The following ZMYM4 variants were observed in gnomAD, a reference collection of about 807,000 sequenced individuals.
The protein encoded by ZMYM4 is zinc finger MYM-type containing 4.
Under a neutral mutation model 183.2 loss-of-function variants are expected in ZMYM4, and 31 were observed. The ratio of observed to expected loss-of-function variants is 0.17; its 90% CI spans 0.13 to 0.23. ZMYM4 has a LOEUF of 0.23. Among genes scored for constraint, ZMYM4 ranks in the 10% least tolerant of loss-of-function variants. The probability of loss-of-function intolerance (pLI) is 1.00; values close to 1 mark genes in which losing one functional copy is unlikely to be tolerated. For synonymous variants in ZMYM4, 592 were observed against 631.2 expected (o/e 0.94, Z 0.93); for missense variants, 1,273 against 1,840.3 (o/e 0.69, Z 5.64).
At chr1:35,386,398 G>A (rs544214262) in intron 11 of ZMYM4, among the ~76,000 whole-genome samples, 3 of 152,266 alleles carry the variant, frequency 2.0e-5, no homozygotes, top group South Asian at 2.1e-4. Context: ...AGGGGAAGCC[G>A]GCACGTCTTA....
intron 1 of ZMYM4, among the ~76,000 whole-genome samples, chr1:35,302,801 G>T (rs899896561): frequency 6.6e-6 from 1 of 151,976 alleles, no homozygotes; most frequent in Non-Finnish European, 1.5e-5. Flanking sequence ...GATTACAGGT[G>T]TGAGCTACTG....
chr1:35,275,865 T>C (rs970997148), intron 1 of ZMYM4, among the ~76,000 whole-genome samples: 27 of 152,334 alleles, frequency 1.8e-4, no homozygotes, highest in African/African-American at 6.5e-4. Flanking sequence ...GTATAATCTC[T>C]GGAATTTAGC....
chr1:35,271,311 A>G (rs892714975), intron 1 of ZMYM4, among the ~76,000 whole-genome samples: 2 of 152,006 alleles, frequency 1.3e-5, no homozygotes, highest in African/African-American at 4.8e-5. Context: ...CTTGTCGTAC[A>G]CTTAAAAGAT....
intron 7 of ZMYM4, among the ~76,000 whole-genome samples, chr1:35,373,018 G>A (rs1644248303): frequency 6.6e-6 from 1 of 151,966 alleles, no homozygotes; most frequent in Admixed American, 6.6e-5. Context: ...AATTAGCTGG[G>A]CCTGGTGGCA....
At chr1:35,356,509 TC>T (rs1643824453) in intron 2 of ZMYM4, among the ~76,000 whole-genome samples, 1 of 152,210 alleles carries the variant, frequency 6.6e-6, no homozygotes, top group Non-Finnish European at 1.5e-5. Context: ...AGACAATTTT[TC>T]CAATTATATT....
At chr1:35,315,618 T>C (rs1192257127) in intron 1 of ZMYM4, among the ~76,000 whole-genome samples, 1 of 152,166 alleles carries the variant, frequency 6.6e-6, no homozygotes, top group Non-Finnish European at 1.5e-5. Context: ...AGAAGATGTA[T>C]TTGCTTCTTT....
chr1:35,407,760 G>T (rs1645030258), intron 25 of ZMYM4, among the ~76,000 whole-genome samples: 1 of 152,118 alleles, frequency 6.6e-6, no homozygotes, highest in Non-Finnish European at 1.5e-5. Flanking sequence ...CTGTTGGATA[G>T]CCCTCATTTG....
intron 1 of ZMYM4, among the ~76,000 whole-genome samples, chr1:35,285,151 A>G (rs1019192620): frequency 2.1e-4 from 32 of 151,360 alleles, no homozygotes; most frequent in African/African-American, 7.3e-4. Flanking sequence ...TGTTTTGGCT[A>G]TTTGGGGTGT....
rs904719855 is a variant in ZMYM4, at chr1:35,392,530, TA to T, written c.2729-110del. The T allele has an allele frequency of 4.3e-5, 56 of 1,298,916 alleles. No individual in the cohort carries two copies. The African/African-American group carries it at 6.4e-4, about 15-fold the overall frequency. The allele number at this position is 1,298,916 out of a possible 1,614,324, so 80.5% of individuals were successfully genotyped here. ...GAATTGCTAGTTTCTTCCGTTGAATTAAAAAAACACATGTTCTTAGTATGAG... is the reference window on the plus strand; with the variant it reads ...GAATTGCTAGTTTCTTCCGTTGAATTAAAAAACACATGTTCTTAGTATGAG... On this transcript the variant is annotated intron_variant, in intron 16 of 29. Transcript: ENST00000314607.
intron 2 of ZMYM4, among the ~76,000 whole-genome samples, chr1:35,348,273 AGATT>A (rs1465043538): frequency 3.3e-5 from 5 of 152,256 alleles, no homozygotes; most frequent in African/African-American, 9.6e-5. Flanking sequence ...CTATAAAATC[AGATT>A]GATCTAAATA....
intron 7 of ZMYM4, among the ~76,000 whole-genome samples, chr1:35,371,880 A>T (rs1270312706): frequency 6.6e-6 from 1 of 152,342 alleles, no homozygotes; most frequent in South Asian, 2.1e-4. Context: ...AGGCAGCTTA[A>T]ATATATACTG....
rs1406043667 is a variant in ZMYM4 at position 35,386,985 on chromosome 1, G to A, written c.1837-18G>A. 3 of 1,607,456 alleles carry A rather than the reference G, an allele frequency of 1.9e-6. No individual in the cohort carries two copies. The highest frequency in any genetic ancestry group is 1.3e-5 in the African/African-American group (1 of 74,750). ...AACAAAGATTAAATTGATACTTTTT[G>A]TTGTTTTGTTTTTCCAGAATTTATT... On this transcript the variant is annotated intron_variant, in intron 11 of 29. Transcript: ENST00000314607.
chr1:35,337,874 G>A (rs1464454384), intron 2 of ZMYM4, among the ~76,000 whole-genome samples: 1 of 152,190 alleles, frequency 6.6e-6, no homozygotes, highest in East Asian at 1.9e-4. Flanking sequence ...AGGAGGTGGA[G>A]GTTGCAGTGA....
intron 26 of ZMYM4, among the ~76,000 whole-genome samples, chr1:35,412,376 C>T (rs943042778): frequency 2.6e-5 from 4 of 151,984 alleles, no homozygotes; most frequent in Non-Finnish European, 5.9e-5. Context: ...TCTTCCTTTC[C>T]TATTTGAATG....
intron 1 of ZMYM4, among the ~76,000 whole-genome samples, chr1:35,271,679 A>C (rs1453947069): frequency 6.6e-6 from 1 of 152,228 alleles, no homozygotes; most frequent in Non-Finnish European, 1.5e-5. Context: ...CTGGGATTAC[A>C]GGTGTGAGCT....
chr1:35,283,107 G>T (rs1248529094), intron 1 of ZMYM4, among the ~76,000 whole-genome samples: 14 of 139,978 alleles, frequency 1.0e-4, no homozygotes, highest in South Asian at 2.3e-4. Flanking sequence ...CTGGGTTCAG[G>T]TGATTCTTCT....
chr1:35,388,576 TTAAAAC>T lies in ZMYM4; in HGVS notation c.2264-333_2264-328del, dbSNP rs1322817923. 7.7e-4 allele frequency among the ~76,000 whole-genome samples: 117 copies of T among 152,218 alleles called. 1 individual carries two copies. The highest frequency in any genetic ancestry group is 2.0e-3 in the African/African-American group (84 of 41,522). ...TCTGTGCTATCCTGTCTTATATCAT[TTAAAAC>T]AAAAACAAAAACAAAGCAAAACAAA... On this transcript the variant is annotated intron_variant, in intron 13 of 29. Transcript: ENST00000314607.
chr1:35,413,576 T>TA (rs1639998584), intron 26 of ZMYM4, among the ~76,000 whole-genome samples: 1 of 152,230 alleles, frequency 6.6e-6, no homozygotes, highest in African/African-American at 2.4e-5. Context: ...GTATCTAGGG[T>TA]AAAAAACAAA....
chr1:35,375,464 T>A (rs775750764), intron 7 of ZMYM4, among the ~76,000 whole-genome samples: 1 of 152,196 alleles, frequency 6.6e-6, no homozygotes, highest in Non-Finnish European at 1.5e-5. Context: ...GCATTGTTTC[T>A]CTACATAGTC....
Sources: allele counts gnomAD v4.1 joint callset (sites outside exome capture counted in the v4.1 genomes callset), GRCh38; gene constraint gnomAD v4.1.1; transcripts MANE v1.5; gene names NCBI Gene and HGNC (gene_info 2026-07-23, HGNC 2026-07-21).